FOXP2: variants seen among roughly 807,000 people sequenced by gnomAD.
The protein encoded by FOXP2 is forkhead box protein P2.
FOXP2 carries 12 observed loss-of-function variants against 115.8 expected under a neutral mutation model. The ratio of observed to expected loss-of-function variants is 0.10; its 90% CI spans 0.07 to 0.17. FOXP2 has a LOEUF of 0.17. Ranked by LOEUF, FOXP2 falls within the 10% of genes least tolerant of loss-of-function variation. The pLI, the probability that FOXP2 is intolerant of heterozygous loss-of-function variation, is 1.00. For synonymous variants in FOXP2, 328 were observed against 297.7 expected (o/e 1.10, Z -1.05); for missense variants, 629 against 843.5 (o/e 0.75, Z 3.15).
intron 1 of FOXP2, among the ~76,000 whole-genome samples, chr7:114,236,553 T>C (rs1478526974): frequency 6.6e-6 from 1 of 152,232 alleles, no homozygotes; most frequent in Non-Finnish European, 1.5e-5. Context: ...CTTCCACAGG[T>C]ATTTATTATT....
chr7:114,629,179 T>C (rs935779879), intron 4 of FOXP2, among the ~76,000 whole-genome samples: 1 of 152,186 alleles, frequency 6.6e-6, no homozygotes, highest in Non-Finnish European at 1.5e-5. Flanking sequence ...ATTAGGCAGC[T>C]GAGCCACAAA....
intron 1 of FOXP2, among the ~76,000 whole-genome samples, chr7:114,097,045 A>G (rs1479244286): frequency 6.6e-6 from 1 of 152,052 alleles, no homozygotes; most frequent in African/African-American, 2.4e-5. Context: ...CTCTCAAAAT[A>G]TTTACTTTTA....
intron 1 of FOXP2, among the ~76,000 whole-genome samples, chr7:114,270,447 G>C (rs190703978): frequency 1.7e-4 from 26 of 152,296 alleles, no homozygotes; most frequent in Admixed American, 1.6e-3. Flanking sequence ...AACAATGAAT[G>C]AAGGTTTCTG....
chr7:114,221,836 C>G (rs1337673170), intron 1 of FOXP2, among the ~76,000 whole-genome samples: 1 of 152,156 alleles, frequency 6.6e-6, no homozygotes, highest in Non-Finnish European at 1.5e-5. Flanking sequence ...TGATAGAACT[C>G]TAGCCACAAA....
chr7:114,100,654 A>G (rs1037957737), intron 1 of FOXP2, among the ~76,000 whole-genome samples: 11 of 152,272 alleles, frequency 7.2e-5, no homozygotes, highest in Non-Finnish European at 1.2e-4. Context: ...GTTTTGCTCA[A>G]TTATTTTAAA....
intron 2 of FOXP2, among the ~76,000 whole-genome samples, chr7:114,507,161 CCCAA>C (rs1562965607): frequency 6.6e-6 from 1 of 151,594 alleles, no homozygotes; most frequent in African/African-American, 2.4e-5. Flanking sequence ...CCCTACCCCC[CCCAA>C]ATAAACCAAA....
intron 2 of FOXP2, among the ~76,000 whole-genome samples, chr7:114,349,048 A>T (rs1301922217): frequency 6.6e-6 from 1 of 152,116 alleles, no homozygotes; most frequent in East Asian, 1.9e-4. Flanking sequence ...TTATTGTTAT[A>T]TGTCATGTAG....
chr7:114,366,768 T>C (rs1297427549), intron 2 of FOXP2: 6 of 152,170 alleles, frequency 3.9e-5, no homozygotes, highest in African/African-American at 1.4e-4. Context: ...GAAATGAAGA[T>C]AATTATAATT....
rs1562964535 is a variant in FOXP2, at chr7:114,504,978, T to A, written c.169-29639T>A. Among the ~76,000 whole-genome samples, 4 of 151,708 alleles carry A rather than the reference T, an allele frequency of 2.6e-5. No individual in the cohort carries two copies. In the South Asian group the frequency reaches 8.3e-4, roughly 31 times the overall value. On this transcript the variant is annotated intron_variant, in intron 2 of 16. Transcript: ENST00000350908. The stretch of plus-strand genomic sequence containing the variant: ...CACAATTAGTTTGACTGCTTTTAAT[T>A]AAAAAATTACTGATTTGTTTTAACT...
chr7:114,552,550 C>T (rs1800262030), intron 3 of FOXP2, among the ~76,000 whole-genome samples: 1 of 151,942 alleles, frequency 6.6e-6, no homozygotes, highest in African/African-American at 2.4e-5. Context: ...TTAGTTTTCC[C>T]CTTATCAGCA....
chr7:114,440,199 C>G lies in FOXP2; in HGVS notation c.168+13520C>G, dbSNP rs1794539863. ...GTTCAAAGTCACATAGCTAGTAAGA[C>G]AGACTCAAGCTTCTGACACTAAATC... On this transcript the variant is annotated intron_variant, in intron 2 of 16. Transcript: ENST00000350908. Among the ~76,000 whole-genome samples the G allele has an allele frequency of 2.6e-5, 4 of 152,126 alleles. No homozygotes were observed. In the South Asian group the frequency reaches 8.3e-4, roughly 32 times the overall value.
At chr7:114,306,264 C>T (rs906055048) in intron 2 of FOXP2, among the ~76,000 whole-genome samples, 3 of 152,064 alleles carry the variant, frequency 2.0e-5, no homozygotes, top group Admixed American at 1.3e-4. Context: ...TTAATTACAG[C>T]ACAGCAAGCC....
At chr7:114,231,936 G>A (rs1562827432) in intron 1 of FOXP2, among the ~76,000 whole-genome samples, 1 of 151,966 alleles carries the variant, frequency 6.6e-6, no homozygotes, top group African/African-American at 2.4e-5. Context: ...CCTACAGAGT[G>A]GTAGAAAGTA....
intron 2 of FOXP2, among the ~76,000 whole-genome samples, chr7:114,323,813 G>T (rs1283472146): frequency 6.6e-6 from 1 of 151,886 alleles, no homozygotes; most frequent in Non-Finnish European, 1.5e-5. Context: ...TTTGTCTTTA[G>T]CATTTTATTG....
At chr7:114,665,964 G>A (rs903860577) in intron 16 of FOXP2, 5 of 151,982 alleles carry the variant, frequency 3.3e-5, no homozygotes, top group African/African-American at 9.7e-5. Flanking sequence ...TTGTAGCATT[G>A]TTAGATGGGT....
At chr7:114,406,015 C>G (rs915131869) in intron 2 of FOXP2, among the ~76,000 whole-genome samples, 9 of 151,700 alleles carry the variant, frequency 5.9e-5, no homozygotes, top group Non-Finnish European at 1.3e-4. Flanking sequence ...AAATAACTGT[C>G]AATTTTAGTA....
rs1170741713 is a variant in FOXP2, at chr7:114,614,756, C to T, written c.259-13784C>T. On this transcript the variant is annotated intron_variant, in intron 3 of 16. Transcript: ENST00000350908. Reference sequence around the variant, plus strand: ...AAGAAAAGATCATCATCATCAACAACAACAAACCAAAGTAAAATATGTAGG... The same window carrying T: ...AAGAAAAGATCATCATCATCAACAATAACAAACCAAAGTAAAATATGTAGG... Among the ~76,000 whole-genome samples the T allele has an allele frequency of 2.0e-5, 3 of 152,090 alleles. No individual in the cohort carries two copies. In the East Asian group the frequency reaches 5.8e-4, roughly 29 times the overall value.
intron 2 of FOXP2, among the ~76,000 whole-genome samples, chr7:114,344,256 A>G (rs1477897337): frequency 6.6e-6 from 1 of 151,764 alleles, no homozygotes; most frequent in African/African-American, 2.4e-5. Context: ...ATCTAAGCTC[A>G]TGACAATGAC....
intron 1 of FOXP2, among the ~76,000 whole-genome samples, chr7:114,244,822 C>CA (rs1193459668): frequency 6.6e-6 from 1 of 151,512 alleles, no homozygotes; most frequent in Admixed American, 6.6e-5. Context: ...AGTGCAGTGG[C>CA]GCAATCTCGG....
Sources: gnomAD v4.1 joint callset for allele counts (sites outside exome capture counted in the v4.1 genomes callset) on GRCh38, gnomAD v4.1.1 for gene constraint, MANE v1.5 for transcripts, NCBI Gene and HGNC (gene_info 2026-07-23, HGNC 2026-07-21) for gene names.